Variants in PRSS53 observed in about 807,000 individuals in gnomAD.
PRSS53 encodes the protein serine protease 53.
In PRSS53, 54 loss-of-function variants were observed where a neutral mutation model predicts 62.7. The observed-to-expected ratio is 0.86, with a 90% CI of 0.69 to 1.08. PRSS53 has a LOEUF of 1.08. PRSS53 is among the 50% of genes least tolerant of loss of function. The pLI, the probability that PRSS53 is intolerant of heterozygous loss-of-function variation, is 0.00. For missense variants in PRSS53, 688 were observed against 728.3 expected (o/e 0.94, Z 0.64); for synonymous variants, 273 against 300.0 (o/e 0.91, Z 0.93).
At chr16:31,086,306 C>T (rs1218344001) in intron 5 of PRSS53, 31 bp downstream of exon 5, 1 of 1,592,584 alleles carries the variant, frequency 6.3e-7, no homozygotes, top group South Asian at 1.1e-5. Flanking sequence ...AGGCCCCTCC[C>T]CTTCTGCTCC....
chr16:31,087,677 G>T (rs1183475481), exon 3 of PRSS53: 5 of 1,611,862 alleles, frequency 3.1e-6, no homozygotes, highest in Non-Finnish European at 3.4e-6. Context: ...GCTTGGGGGG[G>T]CCGGGGCCAC....
At chr16:31,088,210 G>T in intron 1 of PRSS53, 2 of 1,174,062 alleles carry the variant, frequency 1.7e-6, no homozygotes, top group Non-Finnish European at 2.1e-6. Context: ...TAAGAGGAAG[G>T]ATTAGAGGCC....
At chr16:31,087,879 T>G in intron 1 of PRSS53, 53 bp from the exon 2 acceptor site, 1 of 1,609,536 alleles carries the variant, frequency 6.2e-7, no homozygotes, top group South Asian at 1.1e-5. Context: ...CTGCCTAGCT[T>G]TGGGGAGGAG....
chr16:31,088,832 C>A (rs763728434), exon 1 of PRSS53: 2 of 1,613,166 alleles, frequency 1.2e-6, no homozygotes, highest in East Asian at 4.5e-5. Flanking sequence ...CACTCTGCCA[C>A]CTGTGCTCCA....
rs1253231488 is a variant in PRSS53 at position 31,087,468 on chromosome 16, T to G, written c.242+69A>C. On this transcript the variant is annotated intron_variant, in intron 3 of 10. Coordinates refer to ENST00000280606, the Ensembl canonical transcript of PRSS53. ...TTACTCTAGAGGCAGGGACTAGCCT[T>G]GTGGGGCTTGAGACAAATTGTCCAC... 3 of 1,227,328 alleles carry G rather than the reference T, an allele frequency of 2.4e-6. No individual in the cohort carries two copies. The African/African-American group carries it at 4.5e-5, about 18-fold the overall frequency. The allele number at this position is 1,227,328 out of a possible 1,614,324, so 76.0% of individuals were successfully genotyped here.
At chr16:31,088,821 C>G (rs1269014661) in exon 1 of PRSS53, 2 of 1,613,334 alleles carry the variant, frequency 1.2e-6, no homozygotes, top group African/African-American at 2.7e-5. Context: ...CTGCCCCGGG[C>G]CACTCTGCCA....
chr16:31,084,366 T>G (rs1369344843), intron 9 of PRSS53, 31 bp from the exon 10 acceptor site: 2 of 1,592,048 alleles, frequency 1.3e-6, no homozygotes, highest in Admixed American at 1.7e-5. Context: ...CTGGGTGACT[T>G]TTTATAGGCA....
chr16:31,084,089 G>T (rs1233525823), intron 10 of PRSS53, 30 bp downstream of exon 10: 1 of 1,551,426 alleles, frequency 6.4e-7, no homozygotes, highest in Middle Eastern at 1.9e-4. Flanking sequence ...GGAGAGGCAG[G>T]GTTTGGCAGG....
exon 10 of PRSS53, chr16:31,084,122 T>C (rs755237563): frequency 1.1e-5 from 17 of 1,574,720 alleles, no homozygotes; most frequent in Middle Eastern, 1.7e-4. Context: ...CACATACTTA[T>C]GTTGGCCAGG....
At chr16:31,087,355 A>G in intron 3 of PRSS53, 182 bp downstream of exon 3, 3 of 616,018 alleles carry the variant, frequency 4.9e-6, no homozygotes, top group Non-Finnish European at 8.7e-6. Flanking sequence ...TGATTTGTAA[A>G]TCTTCTACCA....
chr16:31,083,994 A>G, intron 10 of PRSS53, 125 bp downstream of exon 10: 1 of 1,498,220 alleles, frequency 6.7e-7, no homozygotes, highest in East Asian at 2.5e-5. Context: ...ATCTGAATCA[A>G]ATGGGTCTGC....
Position 31,084,874 on chromosome 16 carries a change from TC to T in PRSS53, c.1184del (p.Gly395GlufsTer42). The T allele has an allele frequency of 6.5e-7, 1 of 1,547,874 alleles. No individual in the cohort carries two copies. The highest frequency in any genetic ancestry group is 1.2e-5 in the South Asian group (1 of 83,554). On this transcript the variant is annotated frameshift_variant, in exon 8 of 11. Coordinates refer to ENST00000280606, the Ensembl canonical transcript of PRSS53. LOFTEE classifies it high-confidence loss of function. ...GCAGGCAGAGGGGCCGCAGGCTGGC[TC>T]CCAGTGTCACAGGCTGGGCCAGCAG...
chr16:31,085,787 C>T (rs928942751), intron 6 of PRSS53, among the ~76,000 whole-genome samples, 177 bp downstream of exon 6: 4 of 152,216 alleles, frequency 2.6e-5, no homozygotes, highest in Non-Finnish European at 5.9e-5. Context: ...AACTCCAAAC[C>T]TGTAGAGTTC....
At chr16:31,086,517 T>C (rs1193054076) in intron 4 of PRSS53, 26 bp from the exon 5 acceptor site, 1 of 1,597,330 alleles carries the variant, frequency 6.3e-7, no homozygotes, top group Non-Finnish European at 8.6e-7. Flanking sequence ...GGGCTGGGGC[T>C]AGAGTCTGGG....
intron 10 of PRSS53, 50 bp from the exon 11 acceptor site, chr16:31,083,859 T>TGCCCC: frequency 6.3e-7 from 1 of 1,590,054 alleles, no homozygotes; most frequent in African/African-American, 1.3e-5. Context: ...ACGGCTTTGG[T>TGCCCC]CCCTCCCTCC....
rs756875911 is a variant in PRSS53, at chr16:31,084,772, C to T, written c.1279+8G>A. ...ATGGACAGCAGCCCTGGCCCTGTGCCCACCTACCTGCTCCTGGGCGGGCCC... is the reference window on the plus strand; with the variant it reads ...ATGGACAGCAGCCCTGGCCCTGTGCTCACCTACCTGCTCCTGGGCGGGCCC... On this transcript the variant is annotated splice_region_variant and intron_variant, in intron 8 of 10. Coordinates refer to ENST00000280606, the Ensembl canonical transcript of PRSS53. 5.1e-6 allele frequency: 8 copies of T among 1,566,754 alleles called. No homozygotes were observed. The highest frequency in any genetic ancestry group is 6.9e-6 in the Non-Finnish European group (8 of 1,153,340).
intron 3 of PRSS53, chr16:31,087,238 C>T (rs2057244126): frequency 1.9e-6 from 1 of 536,796 alleles, no homozygotes; most frequent in East Asian, 3.3e-5. Flanking sequence ...CTCAAGCGAT[C>T]CTCCCTCCGT....
intron 3 of PRSS53, chr16:31,087,284 A>G: frequency 1.8e-6 from 1 of 567,146 alleles, no homozygotes; most frequent in Admixed American, 3.2e-5. Flanking sequence ...AGCGTGAGCT[A>G]CTGTGCCCGG....
chr16:31,086,261 C>A, intron 5 of PRSS53, 76 bp downstream of exon 5: 2 of 1,584,542 alleles, frequency 1.3e-6, no homozygotes, highest in East Asian at 2.2e-5. Flanking sequence ...AGGTCTTTCC[C>A]CCAGTCCTGT....
Sources: allele counts gnomAD v4.1 joint callset (sites outside exome capture counted in the v4.1 genomes callset), GRCh38; gene constraint gnomAD v4.1.1; transcripts MANE v1.5; gene names NCBI Gene and HGNC (gene_info 2026-07-23, HGNC 2026-07-21).